The following IL1RAPL2 variants were observed in gnomAD, a reference collection of about 807,000 sequenced individuals.
IL1RAPL2 encodes interleukin 1 receptor accessory protein like 2.
Under a neutral mutation model 44.1 loss-of-function variants are expected in IL1RAPL2, and 3 were observed. That is an observed-to-expected ratio of 0.07 (90% confidence interval 0.03 to 0.18). IL1RAPL2 has a LOEUF of 0.18. Ranked by LOEUF, IL1RAPL2 falls within the 10% of genes least tolerant of loss-of-function variation. The pLI is 1.00. For missense variants in IL1RAPL2, 391 were observed against 496.4 expected (o/e 0.79, Z 2.02); for synonymous variants, 181 against 178.8 (o/e 1.01, Z -0.10).
intron 3 of IL1RAPL2, among the ~76,000 whole-genome samples, chrX:105,210,932 A>G (rs891576868): frequency 3.6e-5 from 4 of 109,707 alleles, no homozygotes; most frequent in Non-Finnish European, 7.6e-5. Flanking sequence ...ACATACATGT[A>G]CCCCCGATCA....
intron 5 of IL1RAPL2, among the ~76,000 whole-genome samples, chrX:105,409,322 A>G (rs966592700): frequency 4.5e-5 from 5 of 111,593 alleles, no homozygotes; most frequent in Non-Finnish European, 9.4e-5. Context: ...GAAAAATGCT[A>G]TAGGTTAGGT....
Position 105,767,513 on chromosome X carries a change from A to C in IL1RAPL2, c.1913A>C (p.His638Pro). 2 of 1,211,109 alleles carry C rather than the reference A, an allele frequency of 1.7e-6. No individual in the cohort carries two copies. The highest frequency in any genetic ancestry group is 2.2e-6 in the Non-Finnish European group (2 of 895,117). ...TTLPVPSLGN[H>P]HTYCNLPLTL... is the part of the protein sequence containing the mutation. ...TTGCCAGTACCTTCCTTAGGCAACC[A>C]CCATACTTATTGTAACCTGCCTCTG... The change falls in exon 11 of 11, where the codon CAC (histidine) becomes CCC (proline). Residue 638 changes from histidine to proline, a missense_variant. By Grantham distance (77) the His-to-Pro change is moderately conservative (BLOSUM62 -2). Transcript: ENST00000372582.
At chrX:105,535,144 C>A (rs1162499363) in intron 6 of IL1RAPL2, among the ~76,000 whole-genome samples, 1 of 111,770 alleles carries the variant, frequency 8.9e-6, no homozygotes, top group Non-Finnish European at 1.9e-5. Context: ...TCCAGAAAGA[C>A]TTCTCAGAAT....
In IL1RAPL2 at chrX:105,029,288, A is replaced by G. The variant is rs779526124; in HGVS notation, c.83-166187A>G. Reference sequence around the variant, plus strand: ...TATTATACTTTAAGTTTTAGGGTACATGTGCACAATGTGCAGGTTTGTTAC... The same window carrying G: ...TATTATACTTTAAGTTTTAGGGTACGTGTGCACAATGTGCAGGTTTGTTAC... On this transcript the variant is annotated intron_variant, in intron 2 of 10. Coordinates refer to ENST00000372582, the MANE Select transcript of IL1RAPL2 (RefSeq NM_017416.2). Among the ~76,000 whole-genome samples, 6 of 104,310 alleles carry G rather than the reference A, an allele frequency of 5.8e-5. No homozygotes were observed. In the South Asian group the frequency reaches 2.2e-3, roughly 38 times the overall value. 90.6% of individuals were successfully genotyped at this position (104,310 alleles called of 115,157 possible). A position where few individuals can be genotyped will look rare whatever the true frequency, so the allele number is the denominator to read the frequency against.
rs187521343 is a variant in IL1RAPL2 at position 105,660,311 on chromosome X, T to C, written c.773-57056T>C. 6.5e-3 allele frequency among the ~76,000 whole-genome samples: 722 copies of C among 111,133 alleles called. 11 individuals carry two copies. The highest frequency in any genetic ancestry group is 0.023 in the African/African-American group (692 of 30,573). ...CTTCAAACATGAAGGATTAATACTTTCCCAGACAAACAAAAGCTGAGGGAT... is the reference window on the plus strand; with the variant it reads ...CTTCAAACATGAAGGATTAATACTTCCCCAGACAAACAAAAGCTGAGGGAT... On this transcript the variant is annotated intron_variant, in intron 6 of 10. Coordinates refer to ENST00000372582, the MANE Select transcript of IL1RAPL2 (RefSeq NM_017416.2).
chrX:105,424,408 T>C (rs184249583), intron 5 of IL1RAPL2, among the ~76,000 whole-genome samples: 196 of 110,817 alleles, frequency 1.8e-3, no homozygotes, highest in Non-Finnish European at 3.3e-3. Context: ...CAGATATCCA[T>C]TTATCTCGGT....
chrX:105,562,554 C>T (rs923738844), intron 6 of IL1RAPL2, among the ~76,000 whole-genome samples: 1 of 103,046 alleles, frequency 9.7e-6, no homozygotes, highest in South Asian at 4.3e-4. Flanking sequence ...CACACATACA[C>T]ACACCACATA....
chrX:105,364,880 G>C (rs1359328981), intron 5 of IL1RAPL2, among the ~76,000 whole-genome samples: 1 of 111,407 alleles, frequency 9.0e-6, no homozygotes, highest in Non-Finnish European at 1.9e-5. Flanking sequence ...TACCTATATG[G>C]ATGCATTTTA....
intron 2 of IL1RAPL2, among the ~76,000 whole-genome samples, chrX:105,078,634 G>A (rs1241233699): frequency 8.9e-6 from 1 of 112,693 alleles, no homozygotes; most frequent in African/African-American, 3.2e-5. Context: ...CCCAGAGGTG[G>A]AGCCTACAGA....
At chrX:105,248,535 T>C (rs770012898) in intron 4 of IL1RAPL2, among the ~76,000 whole-genome samples, 1 of 111,434 alleles carries the variant, frequency 9.0e-6, no homozygotes, top group African/African-American at 3.2e-5. Context: ...TTAGAATACA[T>C]TTAACAAGGA....
intron 2 of IL1RAPL2, among the ~76,000 whole-genome samples, chrX:105,038,902 T>C (rs780020131): frequency 8.9e-6 from 1 of 111,736 alleles, no homozygotes; most frequent in South Asian, 3.8e-4. Flanking sequence ...TTGGAATTTA[T>C]CCTCCTGAAT....
At chrX:105,007,418 A>G (rs1439139791) in intron 2 of IL1RAPL2, among the ~76,000 whole-genome samples, 2 of 111,626 alleles carry the variant, frequency 1.8e-5, no homozygotes, top group Non-Finnish European at 3.8e-5. Flanking sequence ...CCAGCATAAT[A>G]TCTCAATAAA....
chrX:105,474,683 C>A lies in IL1RAPL2; in HGVS notation c.698-9630C>A, dbSNP rs553535259. Among the ~76,000 whole-genome samples the A allele has an allele frequency of 6.3e-5, 7 of 111,759 alleles. No individual in the cohort carries two copies. In the South Asian group the frequency reaches 2.2e-3, roughly 36 times the overall value. On this transcript the variant is annotated intron_variant, in intron 5 of 10. Transcript: ENST00000372582. Reference sequence around the variant, plus strand: ...AAGTAATCCAAAATCGAATTTTCATCCCATTCTTTGACCTGTGGAATTTTG... The same window carrying A: ...AAGTAATCCAAAATCGAATTTTCATACCATTCTTTGACCTGTGGAATTTTG...
intron 6 of IL1RAPL2, among the ~76,000 whole-genome samples, chrX:105,568,484 G>A (rs886631521): frequency 2.7e-5 from 3 of 111,820 alleles, no homozygotes; most frequent in African/African-American, 9.7e-5. Context: ...TAGAGGTAAC[G>A]GAAAGCACCC....
intron 6 of IL1RAPL2, among the ~76,000 whole-genome samples, chrX:105,562,364 G>A (rs1489481859): frequency 9.0e-6 from 1 of 110,698 alleles, no homozygotes; most frequent in Non-Finnish European, 1.9e-5. Flanking sequence ...TAAAAGAATG[G>A]ACTTCAAATG....
chrX:105,074,758 T>A (rs1466749174), intron 2 of IL1RAPL2, among the ~76,000 whole-genome samples: 20 of 108,656 alleles, frequency 1.8e-4, no homozygotes, highest in Middle Eastern at 4.6e-3. Flanking sequence ...GTTCTTCACA[T>A]CCCTTGTAAG....
intron 2 of IL1RAPL2, among the ~76,000 whole-genome samples, chrX:104,695,162 C>T: frequency 8.9e-6 from 1 of 112,434 alleles, no homozygotes; most frequent in Middle Eastern, 4.6e-3. Flanking sequence ...TGGCAGGGAC[C>T]TAGCTTGTGT....
At chrX:105,319,275 A>T (rs1172443209) in intron 5 of IL1RAPL2, among the ~76,000 whole-genome samples, 1 of 111,988 alleles carries the variant, frequency 8.9e-6, no homozygotes, top group Admixed American at 9.5e-5. Context: ...TGCCACAGCA[A>T]GGTCACCCAC....
chrX:104,706,133 G>A (rs192375571), intron 2 of IL1RAPL2, among the ~76,000 whole-genome samples: 444 of 111,194 alleles, frequency 4.0e-3, no homozygotes, highest in African/African-American at 0.014. Context: ...CAGAGCCCTA[G>A]ATTTTTGCCC....
Sources: gnomAD v4.1 joint callset for allele counts (sites outside exome capture counted in the v4.1 genomes callset) on GRCh38, gnomAD v4.1.1 for gene constraint, MANE v1.5 for transcripts, NCBI Gene and HGNC (gene_info 2026-07-23, HGNC 2026-07-21) for gene names.